The following ASIC2 variants were observed in gnomAD, a reference collection of about 807,000 sequenced individuals.
The protein encoded by ASIC2 is acid-sensing ion channel 2.
Under a neutral mutation model 57.3 loss-of-function variants are expected in ASIC2, and 25 were observed. The observed-to-expected ratio is 0.44, with a 90% CI of 0.32 to 0.61. The LOEUF (loss-of-function observed/expected upper bound fraction) is 0.61, where lower values mean the gene tolerates loss of function less well. Ranked by LOEUF, ASIC2 falls within the 20% of genes least tolerant of loss-of-function variation. ASIC2 has a pLI of 0.06. For missense variants in ASIC2, 641 were observed against 738.1 expected (o/e 0.87, Z 1.52); for synonymous variants, 319 against 307.5 (o/e 1.04, Z -0.39).
chr17:33,636,791 CAA>C (rs1450055456), intron 1 of ASIC2, among the ~76,000 whole-genome samples: 1 of 152,060 alleles, frequency 6.6e-6, no homozygotes, highest in Non-Finnish European at 1.5e-5. Context: ...CACCAAGTGA[CAA>C]AGACAACCTA....
At chr17:33,714,976 C>A (rs1909167370) in intron 1 of ASIC2, among the ~76,000 whole-genome samples, 1 of 115,902 alleles carries the variant, frequency 8.6e-6, no homozygotes, top group Non-Finnish European at 1.8e-5. Context: ...TGCCACCATG[C>A]CAGGCTAATT....
chr17:34,038,705 C>T, intron 1 of ASIC2: 1 of 1,603,102 alleles, frequency 6.2e-7, no homozygotes, highest in Non-Finnish European at 8.5e-7. Flanking sequence ...ATGACCTAAT[C>T]TGAGTTTGAA....
intron 1 of ASIC2, among the ~76,000 whole-genome samples, chr17:34,047,937 C>T (rs749138405): frequency 6.6e-6 from 1 of 152,178 alleles, no homozygotes; most frequent in Non-Finnish European, 1.5e-5. Context: ...CAGAAGGAAA[C>T]ATTATACAAC....
chr17:33,336,814 G>C (rs1907531842), intron 1 of ASIC2, among the ~76,000 whole-genome samples: 1 of 152,152 alleles, frequency 6.6e-6, no homozygotes, highest in Non-Finnish European at 1.5e-5. Context: ...TAATCTGTCA[G>C]AGAGGAGGGG....
intron 1 of ASIC2, among the ~76,000 whole-genome samples, chr17:33,133,249 G>A (rs1034833245): frequency 6.6e-6 from 1 of 152,146 alleles, no homozygotes; most frequent in African/African-American, 2.4e-5. Context: ...CACAGCATGA[G>A]CAGAGGGCAC....
chr17:33,611,286 C>G (rs1232893959), intron 1 of ASIC2, among the ~76,000 whole-genome samples: 3 of 152,142 alleles, frequency 2.0e-5, no homozygotes, highest in Non-Finnish European at 4.4e-5. Context: ...GGTTTTGGCT[C>G]CAGAAACCTG....
chr17:34,063,136 C>T (rs139955698), intron 1 of ASIC2, among the ~76,000 whole-genome samples: 1 of 152,110 alleles, frequency 6.6e-6, no homozygotes, highest in African/African-American at 2.4e-5. Flanking sequence ...TACTAGCTAA[C>T]TGACTCCAAC....
At chr17:33,269,671 C>CTTCCTTCCTTCTTTCCTTT (rs1567805227) in intron 1 of ASIC2, among the ~76,000 whole-genome samples, 1 of 72,854 alleles carries the variant, frequency 1.4e-5, no homozygotes, top group African/African-American at 4.7e-5. Flanking sequence ...TCCTTCCTTC[C>CTTCCTTCCTTCTTTCCTTT]TTCCCTCCCT....
At chr17:33,489,055 AGAG>A (rs1357566477) in intron 1 of ASIC2, among the ~76,000 whole-genome samples, 1 of 152,130 alleles carries the variant, frequency 6.6e-6, no homozygotes, top group African/African-American at 2.4e-5. Context: ...TTCCAGCCTA[AGAG>A]AAGAGACCAC....
At chr17:33,031,453 C>G (rs1301107180) in intron 3 of ASIC2, among the ~76,000 whole-genome samples, 2 of 152,104 alleles carry the variant, frequency 1.3e-5, no homozygotes, top group Non-Finnish European at 2.9e-5. Flanking sequence ...AAAACATCCT[C>G]CCCATGGTTT....
intron 1 of ASIC2, chr17:34,155,773 T>G: frequency 1.7e-6 from 1 of 579,046 alleles, no homozygotes; most frequent in East Asian, 3.0e-5. Flanking sequence ...CCATATTTGA[T>G]CTGACAGCAG....
chr17:33,824,556 T>C (rs894961140), intron 1 of ASIC2, among the ~76,000 whole-genome samples: 2 of 152,218 alleles, frequency 1.3e-5, no homozygotes, highest in African/African-American at 2.4e-5. Context: ...ATTTGCTGGT[T>C]AACCTTGGGC....
At chr17:33,908,213 C>T (rs1248446697) in intron 1 of ASIC2, among the ~76,000 whole-genome samples, 1 of 152,178 alleles carries the variant, frequency 6.6e-6, no homozygotes, top group Non-Finnish European at 1.5e-5. Context: ...GGCAGTAGGC[C>T]ACATGGTATG....
At chr17:33,909,077 T>C (rs1386090748) in intron 1 of ASIC2, among the ~76,000 whole-genome samples, 1 of 152,196 alleles carries the variant, frequency 6.6e-6, no homozygotes, top group Non-Finnish European at 1.5e-5. Flanking sequence ...ACACTGCCAT[T>C]TGGGGCTGCC....
At chr17:34,029,735 G>C (rs1907519891) in intron 1 of ASIC2, among the ~76,000 whole-genome samples, 1 of 152,222 alleles carries the variant, frequency 6.6e-6, no homozygotes, top group South Asian at 2.1e-4. Flanking sequence ...GTCAGGAAGA[G>C]AGCCTTCACC....
intron 1 of ASIC2, among the ~76,000 whole-genome samples, chr17:33,234,056 A>T (rs1199150175): frequency 1.3e-5 from 2 of 152,228 alleles, no homozygotes; most frequent in Non-Finnish European, 1.5e-5. Flanking sequence ...GTGGGCACCC[A>T]CATGGCCACC....
At chr17:33,405,136 A>G (rs1197040294) in intron 1 of ASIC2, among the ~76,000 whole-genome samples, 2 of 152,014 alleles carry the variant, frequency 1.3e-5, no homozygotes, top group Non-Finnish European at 2.9e-5. Flanking sequence ...TGTCACATTC[A>G]TTCATTCAAT....
At chr17:33,757,346 G>A (rs1467282393) in intron 1 of ASIC2, among the ~76,000 whole-genome samples, 1 of 152,152 alleles carries the variant, frequency 6.6e-6, no homozygotes, top group African/African-American at 2.4e-5. Flanking sequence ...CCCAGGGTAG[G>A]CATGGTGACT....
chr17:33,400,799 T>G (rs373016596), intron 1 of ASIC2, among the ~76,000 whole-genome samples: 61 of 152,274 alleles, frequency 4.0e-4, no homozygotes, highest in African/African-American at 1.4e-3. Flanking sequence ...GGTTCCTACC[T>G]GCCCCCTATC....
Sources: allele counts gnomAD v4.1 joint callset (sites outside exome capture counted in the v4.1 genomes callset), GRCh38; gene constraint gnomAD v4.1.1; transcripts MANE v1.5; gene names NCBI Gene and HGNC (gene_info 2026-07-23, HGNC 2026-07-21).